Variants in ATP2A2 observed in about 807,000 individuals in gnomAD.
The protein encoded by ATP2A2 is sarcoplasmic/endoplasmic reticulum calcium ATPase 2.
A neutral mutation model predicts 109.3 loss-of-function variants in ATP2A2; 14 were observed. The observed-to-expected ratio is 0.13, with a 90% CI of 0.08 to 0.20. ATP2A2 has a LOEUF of 0.20. Among genes scored for constraint, ATP2A2 ranks in the 10% least tolerant of loss-of-function variants. The pLI is 1.00. For missense variants in ATP2A2, 657 were observed against 1,321.6 expected (o/e 0.50, Z 7.80); for synonymous variants, 506 against 490.9 (o/e 1.03, Z -0.41).
intron 16 of ATP2A2, 93 bp from the exon 17 acceptor site, chr12:110,344,793 G>T: frequency 8.0e-7 from 1 of 1,254,576 alleles, no homozygotes; most frequent in South Asian, 1.2e-5. Flanking sequence ...CCATGTCTTT[G>T]ATCTTCGTCC....
Position 110,296,639 on chromosome 12 carries a change from A to G in ATP2A2, c.365A>G (p.Tyr122Cys), listed in dbSNP as rs774604361. 1 of 1,614,222 alleles carries G rather than the reference A, an allele frequency of 6.2e-7. No homozygotes were observed. The highest frequency in any genetic ancestry group is 8.5e-7 in the Non-Finnish European group (1 of 1,180,034). The change falls in exon 5 of 20, where the codon TAT becomes TGT. Residue 122 changes from tyrosine (Y) to cysteine (C), a missense_variant. Physicochemically the swap from Tyr to Cys is radical, Grantham distance 194. Coordinates refer to ENST00000539276, the MANE Select transcript of ATP2A2 (RefSeq NM_170665.4). Reference sequence around the variant, plus strand: ...AATGCCATCGAAGCCCTTAAGGAATATGAGCCTGAAATGGGCAAAGTGTAT... The same window carrying G: ...AATGCCATCGAAGCCCTTAAGGAATGTGAGCCTGAAATGGGCAAAGTGTAT... ...AENAIEALKE[Y>C]EPEMGKVYRQ...
rs778966901 is a variant in ATP2A2, at chr12:110,342,365, C to T, written c.2235C>T (p.Ala745=). 2 of 1,614,176 alleles carry T rather than the reference C, an allele frequency of 1.2e-6. No individual in the cohort carries two copies. The highest frequency in any genetic ancestry group is 1.7e-6 in the Non-Finnish European group (2 of 1,180,032). The part of the protein sequence containing the change: ...ADDNFSTIVA[A]VEEGRAIYNN... ...ACAACTTCTCCACCATTGTGGCTGC[C>T]GTTGAGGAGGGGCGGGCAATCTACA... The change falls in exon 15 of 20, where the codon GCC becomes GCT. Residue 745 remains alanine (A), a synonymous_variant. Transcript: ENST00000539276. The surrounding 1 kb of genome is among the most constrained non-coding windows in gnomAD (Gnocchi z 4.6).
intron 4 of ATP2A2, among the ~76,000 whole-genome samples, chr12:110,293,152 A>G (rs1340115894): frequency 1.3e-5 from 2 of 152,058 alleles, no homozygotes; most frequent in East Asian, 3.9e-4. Flanking sequence ...ATCTCGGCTC[A>G]CTGCAACCTC....
chr12:110,338,131 C>T (rs1260950087), intron 11 of ATP2A2, among the ~76,000 whole-genome samples: 1 of 152,172 alleles, frequency 6.6e-6, no homozygotes, highest in Non-Finnish European at 1.5e-5. Flanking sequence ...TCACAAGGCA[C>T]CAGGAGGTGA....
intron 11 of ATP2A2, among the ~76,000 whole-genome samples, chr12:110,334,455 T>C (rs1878636324): frequency 6.6e-6 from 1 of 152,216 alleles, no homozygotes; most frequent in South Asian, 2.1e-4. Context: ...CTTTGCTGCA[T>C]TATTGATTTC....
Position 110,347,926 on chromosome 12 carries a change from CCGGGGT to C in ATP2A2, c.*1457_*1462del. On this transcript the variant is annotated 3_prime_UTR_variant, in exon 20 of 20. Transcript: ENST00000539276. ...TGTGCTCCCTGATGCCCTGTGAGCA[CCGGGGT>C]TGCCTGTGGCGCCTGCCATGTGACT... 1.0e-6 allele frequency: 1 copy of C among 987,768 alleles called. No individual in the cohort carries two copies. The highest frequency in any genetic ancestry group is 1.2e-6 in the Non-Finnish European group (1 of 831,474). The allele number at this position is 987,768 out of a possible 1,614,324, so 61.2% of individuals were successfully genotyped here.
chr12:110,308,486 C>G (rs1019926737), intron 5 of ATP2A2, among the ~76,000 whole-genome samples: 1 of 152,140 alleles, frequency 6.6e-6, no homozygotes, highest in African/African-American at 2.4e-5. Flanking sequence ...TGCTGGGTTA[C>G]TAGGACCAGC....
chr12:110,282,023 G>A, intron 1 of ATP2A2, 116 bp downstream of exon 1: 2 of 775,236 alleles, frequency 2.6e-6, no homozygotes, highest in African/African-American at 1.9e-5. Context: ...AGCTGCGGGC[G>A]GAGGGTCGGG....
Position 110,333,169 on chromosome 12 carries a change from C to T in ATP2A2, c.1185-12C>T, listed in dbSNP as rs1168315990. ...CCATACCCTGCTCTAAGAGTGTTTT[C>T]TCTTTGGGCAGGCATAAAGATGATA... On this transcript the variant is annotated splice_polypyrimidine_tract_variant and intron_variant, in intron 9 of 19. Coordinates refer to ENST00000539276, the MANE Select transcript of ATP2A2 (RefSeq NM_170665.4). 2 of 1,608,532 alleles carry T rather than the reference C, an allele frequency of 1.2e-6. No homozygotes were observed. Among genetic ancestry groups the T allele is most frequent in the Non-Finnish European group, 1.7e-6 (2 of 1,175,308 alleles).
chr12:110,343,678 G>C (rs1033277279), intron 16 of ATP2A2, among the ~76,000 whole-genome samples: 6 of 152,086 alleles, frequency 3.9e-5, no homozygotes, highest in African/African-American at 1.4e-4. Flanking sequence ...TAAACATCAG[G>C]GTTTTCAGAT....
intron 5 of ATP2A2, among the ~76,000 whole-genome samples, chr12:110,300,261 C>CT (rs1251139478): frequency 1.4e-5 from 2 of 144,306 alleles, no homozygotes; most frequent in African/African-American, 2.6e-5. Context: ...AGTGTGATCA[C>CT]TGCGACCTCG....
rs1332237741 is a variant in ATP2A2, at chr12:110,349,884, G to A, written c.*3414G>A. Reference sequence around the variant, plus strand: ...CAAGGCAGGCGAGCAGCCAGAAGCCGGGTGCCCACAGGGCAGGGACAGGAA... The same window carrying A: ...CAAGGCAGGCGAGCAGCCAGAAGCCAGGTGCCCACAGGGCAGGGACAGGAA... On this transcript the variant is annotated 3_prime_UTR_variant, in exon 20 of 20. Coordinates refer to ENST00000539276, the MANE Select transcript of ATP2A2 (RefSeq NM_170665.4). 5 of 1,058,512 alleles carry A rather than the reference G, an allele frequency of 4.7e-6. No individual in the cohort carries two copies. The highest frequency in any genetic ancestry group is 3.4e-5 in the South Asian group (1 of 29,180). The allele number at this position is 1,058,512 out of a possible 1,614,324, so 65.6% of individuals were successfully genotyped here.
Position 110,347,270 on chromosome 12 carries a change from T to G in ATP2A2, c.*800T>G. The G allele has an allele frequency of 3.2e-6, 4 of 1,244,780 alleles. No homozygotes were observed. The highest frequency in any genetic ancestry group is 4.1e-6 in the Non-Finnish European group (4 of 965,712). 77.1% of individuals were successfully genotyped at this position (1,244,780 alleles called of 1,614,324 possible). ...GTTTTGCCAACATTGCCTATTTCAG[T>G]GGCACGTCATCTAGTTTTAAAAAAA... On this transcript the variant is annotated 3_prime_UTR_variant, in exon 20 of 20. Transcript: ENST00000539276.
chr12:110,337,834 C>G (rs1321364562), intron 11 of ATP2A2, among the ~76,000 whole-genome samples: 3 of 152,220 alleles, frequency 2.0e-5, no homozygotes, highest in Non-Finnish European at 4.4e-5. Context: ...TGTGTTTACA[C>G]AGAGACCATG....
intron 14 of ATP2A2, among the ~76,000 whole-genome samples, chr12:110,341,596 G>A (rs1398065058): frequency 1.3e-5 from 2 of 152,070 alleles, no homozygotes; most frequent in Non-Finnish European, 1.5e-5. Flanking sequence ...TTTTTTGGCC[G>A]AGTGCAGTGG....
chr12:110,318,259 GT>G (rs1876876143), intron 5 of ATP2A2, among the ~76,000 whole-genome samples: 1 of 152,172 alleles, frequency 6.6e-6, no homozygotes, highest in South Asian at 2.1e-4. Flanking sequence ...CTAAGAACCT[GT>G]TTTCCTAATA....
intron 3 of ATP2A2, among the ~76,000 whole-genome samples, chr12:110,283,188 C>G (rs1396336452): frequency 2.6e-5 from 4 of 152,186 alleles, no homozygotes; most frequent in Non-Finnish European, 4.4e-5. Flanking sequence ...ATAGAACTTA[C>G]AAAAGGAATA....
intron 5 of ATP2A2, among the ~76,000 whole-genome samples, chr12:110,302,482 C>G (rs534450804): frequency 1.3e-5 from 2 of 152,144 alleles, no homozygotes; most frequent in South Asian, 4.1e-4. Flanking sequence ...TTATTTACCA[C>G]TTTTTTTCCC....
intron 5 of ATP2A2, among the ~76,000 whole-genome samples, chr12:110,299,900 G>A (rs1874375190): frequency 6.6e-6 from 1 of 152,142 alleles, no homozygotes; most frequent in Non-Finnish European, 1.5e-5. Flanking sequence ...GGGATTACAG[G>A]CATGCGCCAT....
Sources: allele counts gnomAD v4.1 joint callset (sites outside exome capture counted in the v4.1 genomes callset), GRCh38; gene constraint gnomAD v4.1.1; non-coding constraint Gnocchi (gnomAD v3.1); transcripts MANE v1.5; gene names NCBI Gene and HGNC (gene_info 2026-07-23, HGNC 2026-07-21).